The following ZNF420 variants were observed in gnomAD, a reference collection of about 807,000 sequenced individuals.
ZNF420 encodes the protein zinc finger protein 420, also known as ATM and p53-associated KZNF protein.
A neutral mutation model predicts 44.7 loss-of-function variants in ZNF420; 31 were observed. The ratio of observed to expected loss-of-function variants is 0.69; its 90% confidence interval spans 0.52 to 0.94. The LOEUF is 0.94. Among genes scored for constraint, ZNF420 ranks in the 40% least tolerant of loss-of-function variants. The pLI is 0.00. For missense variants in ZNF420, 681 were observed against 827.9 expected, an observed-to-expected ratio of 0.82 and a Z score of 2.18; for synonymous variants, 245 against 267.4, an observed-to-expected ratio of 0.92 and a Z score of 0.82.
At chr19:37,054,762 G>A (rs1967710586) in intron 1 of ZNF420, among the ~76,000 whole-genome samples, 2 of 152,174 alleles carry the variant, frequency 1.3e-5, no homozygotes, top group Admixed American at 1.3e-4. Flanking sequence ...TTGACAACAG[G>A]CAGGTTGATA....
intron 1 of ZNF420, among the ~76,000 whole-genome samples, chr19:37,055,838 C>G (rs77772684): frequency 0.31 from 46,896 of 151,992 alleles, 7,538 homozygotes; most frequent in Non-Finnish European, 0.35. Context: ...GGAAAAGCAG[C>G]GCGGAATTCC....
At chr19:37,059,007 G>C (rs185503828) in intron 1 of ZNF420, among the ~76,000 whole-genome samples, 25 of 152,310 alleles carry the variant, frequency 1.6e-4, no homozygotes, top group African/African-American at 5.8e-4. Context: ...AGATCATCCT[G>C]TGCTGCAGCG....
chr19:37,123,855 G>A (rs1448646578), intron 4 of ZNF420, among the ~76,000 whole-genome samples: 7 of 151,778 alleles, frequency 4.6e-5, no homozygotes, highest in African/African-American at 7.3e-5. Context: ...TAATCCGCCC[G>A]CCTCAGCCTC....
upstream of ZNF420, among the ~76,000 whole-genome samples, chr19:37,074,730 A>G (rs778632841): frequency 2.0e-5 from 3 of 152,202 alleles, no homozygotes; most frequent in Admixed American, 6.5e-5. Context: ...GAAATCCTCA[A>G]TGGTGAAATA....
intron 1 of ZNF420, among the ~76,000 whole-genome samples, chr19:37,059,937 G>A (rs1008756915): frequency 1.3e-5 from 2 of 151,980 alleles, no homozygotes; most frequent in African/African-American, 4.8e-5. Flanking sequence ...GCCCATGAGC[G>A]TGTGTGTGTT....
chr19:37,023,165 A>G (rs569992497), intron 1 of ZNF420, among the ~76,000 whole-genome samples: 9 of 151,954 alleles, frequency 5.9e-5, no homozygotes, highest in Non-Finnish European at 1.0e-4. Flanking sequence ...AAAGATCTGT[A>G]GAATGTCTAA....
chr19:37,129,503 CA>C lies in ZNF420; in HGVS notation c.*448del, dbSNP rs1373715043. 3 of 164,708 alleles carry C rather than the reference CA, an allele frequency of 1.8e-5. No individual in the cohort carries two copies. The highest frequency in any genetic ancestry group is 2.6e-5 in the Non-Finnish European group (2 of 75,686). 10.2% of individuals were successfully genotyped at this position (164,708 alleles called of 1,614,324 possible). On this transcript the variant is annotated 3_prime_UTR_variant, in exon 5 of 5. Transcript: ENST00000337995. ...ATGGTGCCTTGAACGTAGCATACCACAAATATTAGCTACCATTTTCACTAGT... is the reference window on the plus strand; with the variant it reads ...ATGGTGCCTTGAACGTAGCATACCACAATATTAGCTACCATTTTCACTAGT...
intron 1 of ZNF420, among the ~76,000 whole-genome samples, chr19:37,043,037 C>T (rs370149904): frequency 1.5e-3 from 233 of 152,262 alleles, no homozygotes; most frequent in African/African-American, 4.4e-3. Context: ...ACTTTGCCAT[C>T]GTATAGGGAC....
At position 37,025,095 on chromosome 19, in the gene ZNF420, T is replaced by G. The variant is rs1267198394; in HGVS notation, c.-125+17013T>G. The G allele has an allele frequency of 1.1e-5, 3 of 282,238 alleles. No homozygotes were observed. The East Asian group carries it at 2.0e-4, about 19-fold the overall frequency. The allele number at this position is 282,238 out of a possible 1,614,324, so 17.5% of individuals were successfully genotyped here. A position where few individuals can be genotyped will look rare whatever the true frequency, so the allele number is the denominator to read the frequency against. On this transcript the variant is annotated intron_variant, in intron 1 of 4. Coordinates refer to the ZNF420 transcript ENST00000587029. ...GTGAATATTGATGTTGACTAAGTCATCCATACACACTAAAGGCCTTGTCAC... is the reference window on the plus strand; with the variant it reads ...GTGAATATTGATGTTGACTAAGTCAGCCATACACACTAAAGGCCTTGTCAC...
intron 2 of ZNF420, among the ~76,000 whole-genome samples, chr19:37,085,573 C>CA (rs1968711430): frequency 2.0e-5 from 3 of 152,178 alleles, no homozygotes; most frequent in Non-Finnish European, 4.4e-5. Context: ...ACCAGCCATG[C>CA]TGTTATGCGT....
intron 4 of ZNF420, among the ~76,000 whole-genome samples, chr19:37,119,947 C>T (rs560144610): frequency 2.6e-5 from 4 of 152,056 alleles, no homozygotes; most frequent in African/African-American, 7.2e-5. Context: ...CTGAATAGAC[C>T]AATAACAGGA....
intron 1 of ZNF420, among the ~76,000 whole-genome samples, chr19:37,067,752 A>C (rs1967991862): frequency 6.6e-6 from 1 of 152,194 alleles, no homozygotes; most frequent in Admixed American, 6.5e-5. Context: ...AGAGGTAAGC[A>C]AAGAAAGCAG....
chr19:37,042,030 C>T (rs1022323151), intron 1 of ZNF420, among the ~76,000 whole-genome samples: 4 of 152,192 alleles, frequency 2.6e-5, no homozygotes, highest in South Asian at 4.1e-4. Flanking sequence ...GACGAAGTCT[C>T]GCTCTGTTGC....
chr19:37,075,735 C>CT (rs1968135458), upstream of ZNF420, among the ~76,000 whole-genome samples: 1 of 152,000 alleles, frequency 6.6e-6, no homozygotes, highest in Non-Finnish European at 1.5e-5. Context: ...GAGTGAGACT[C>CT]TGTCTCAAAA....
intron 1 of ZNF420, among the ~76,000 whole-genome samples, chr19:37,068,632 C>T (rs1322380540): frequency 2.0e-5 from 3 of 152,104 alleles, no homozygotes; most frequent in Admixed American, 6.6e-5. Context: ...AAGAGTGAAA[C>T]TCTGTCTCAA....
At chr19:37,052,534 C>T (rs142767234) in intron 1 of ZNF420, among the ~76,000 whole-genome samples, 7 of 152,080 alleles carry the variant, frequency 4.6e-5, no homozygotes, top group African/African-American at 7.2e-5. Flanking sequence ...GCTTCCTTCA[C>T]GAGCTCTTTT....
chr19:37,010,558 CTCTG>C (rs889266385), intron 1 of ZNF420, among the ~76,000 whole-genome samples: 9 of 151,724 alleles, frequency 5.9e-5, no homozygotes, highest in African/African-American at 1.7e-4. Context: ...GTTTCTCTCT[CTCTG>C]TCTGTGAGTG....
At chr19:37,116,640 C>T (rs1293948385) in intron 4 of ZNF420, among the ~76,000 whole-genome samples, 4 of 152,052 alleles carry the variant, frequency 2.6e-5, no homozygotes, top group African/African-American at 7.2e-5. Context: ...GTGTGCGAGC[C>T]GAAGCAGGGC....
intron 1 of ZNF420, among the ~76,000 whole-genome samples, chr19:37,060,747 C>T (rs1967862609): frequency 6.6e-6 from 1 of 152,110 alleles, no homozygotes; most frequent in Admixed American, 6.5e-5. Flanking sequence ...GCGACCGTGA[C>T]TGGCCTTGTC....
Sources: gnomAD v4.1 joint callset for allele counts (sites outside exome capture counted in the v4.1 genomes callset) on GRCh38, gnomAD v4.1.1 for gene constraint, MANE v1.5 for transcripts, NCBI Gene and HGNC (gene_info 2026-07-23, HGNC 2026-07-21) for gene names.